EBF1: variants seen among roughly 807,000 people sequenced by gnomAD.
The protein encoded by EBF1 is transcription factor COE1.
EBF1 carries 10 observed loss-of-function variants against 68.4 expected under a neutral mutation model. The observed-to-expected ratio is 0.15, with a 90% CI of 0.09 to 0.25. The LOEUF is 0.25. EBF1 is among the 10% of genes least tolerant of loss of function. The probability of loss-of-function intolerance (pLI) is 1.00; values close to 1 mark genes in which losing one functional copy is unlikely to be tolerated. For missense variants in EBF1, 509 were observed against 794.4 expected (o/e 0.64, Z 4.32); for synonymous variants, 298 against 299.8 (o/e 0.99, Z 0.06).
chr5:158,882,785 G>A lies in EBF1; in HGVS notation c.555-42675C>T, dbSNP rs1054711719. Among the ~76,000 whole-genome samples the A allele has an allele frequency of 2.6e-5, 4 of 152,306 alleles. No individual in the cohort carries two copies. The Middle Eastern group carries it at 0.01, about 389-fold the overall frequency. ...TCGATAGCACAGGGATATTCATGGAGCAATACATGTTGCTGTGTTACACAC... is the reference window on the plus strand; with the variant it reads ...TCGATAGCACAGGGATATTCATGGAACAATACATGTTGCTGTGTTACACAC... On this transcript the variant is annotated intron_variant, in intron 6 of 15. Transcript: ENST00000313708.
At chr5:159,012,092 A>T (rs1484843874) in intron 6 of EBF1, among the ~76,000 whole-genome samples, 2 of 152,024 alleles carry the variant, frequency 1.3e-5, no homozygotes, top group Non-Finnish European at 2.9e-5. Context: ...TTCAAGACCA[A>T]CCTGGCCAAC....
intron 7 of EBF1, among the ~76,000 whole-genome samples, chr5:158,831,032 CGGTG>C (rs1787437923): frequency 6.6e-6 from 1 of 152,150 alleles, no homozygotes; most frequent in South Asian, 2.1e-4. Context: ...GTCTCCTGAA[CGGTG>C]ACATATGATA....
chr5:158,844,035 G>A (rs1001882171), intron 6 of EBF1, among the ~76,000 whole-genome samples: 11 of 152,116 alleles, frequency 7.2e-5, no homozygotes, highest in African/African-American at 2.4e-4. Context: ...TTGATAAAGT[G>A]TTGTCAGGAG....
At chr5:159,008,773 G>A (rs11960870) in intron 6 of EBF1, among the ~76,000 whole-genome samples, 1,940 of 152,216 alleles carry the variant, frequency 0.013, 50 homozygotes, top group African/African-American at 0.043. Flanking sequence ...CTGACCTGAC[G>A]TGATTCGCCC....
At chr5:159,020,860 T>C (rs1029142020) in intron 6 of EBF1, among the ~76,000 whole-genome samples, 7 of 152,200 alleles carry the variant, frequency 4.6e-5, no homozygotes, top group Admixed American at 6.5e-5. Context: ...AACAATTAAT[T>C]AGCTACAGTT....
intron 6 of EBF1, among the ~76,000 whole-genome samples, chr5:158,990,102 G>A (rs1482928168): frequency 6.6e-6 from 1 of 152,216 alleles, no homozygotes; most frequent in African/African-American, 2.4e-5. Flanking sequence ...TCCTGCGGCA[G>A]GGTGAAAATG....
Position 158,873,456 on chromosome 5 carries a change from TA to T in EBF1, c.555-33347del, listed in dbSNP as rs972985515. ...GCACCTTCAGAGTTTTTGCCATTTTTACCTATAATAATATTCACTTAATATT... is the reference window on the plus strand; with the variant it reads ...GCACCTTCAGAGTTTTTGCCATTTTTCCTATAATAATATTCACTTAATATT... On this transcript the variant is annotated intron_variant, in intron 6 of 15. Coordinates refer to ENST00000313708, the MANE Select transcript of EBF1 (RefSeq NM_024007.5). 1.1e-4 allele frequency among the ~76,000 whole-genome samples: 17 copies of T among 152,318 alleles called. No individual in the cohort carries two copies. The East Asian group carries it at 2.5e-3, about 22-fold the overall frequency.
chr5:158,705,734 A>G (rs896150146), intron 15 of EBF1, among the ~76,000 whole-genome samples: 11 of 152,122 alleles, frequency 7.2e-5, no homozygotes, highest in African/African-American at 2.7e-4. Context: ...CCTGTTTCCA[A>G]CCACTTCCTG....
rs1561662634 is a variant in EBF1 at position 158,698,655 on chromosome 5, C to CAA, written c.*455_*456insTT. 1.1e-4 allele frequency: 15 copies of CAA among 131,216 alleles called. No individual in the cohort carries two copies. The East Asian group carries it at 1.8e-3, about 15-fold the overall frequency. The allele number at this position is 131,216 out of a possible 1,614,324, so 8.1% of individuals were successfully genotyped here. The stretch of plus-strand genomic sequence containing the variant: ...TCCCATACAAGCTTTTTTTTTTTTC[C>CAA]TTTTTTTCTTTTTTTTTTTTTTTAC... On this transcript the variant is annotated 3_prime_UTR_variant, in exon 16 of 16. Transcript: ENST00000313708.
intron 7 of EBF1, among the ~76,000 whole-genome samples, chr5:158,827,517 T>C (rs1438100321): frequency 6.6e-6 from 1 of 152,214 alleles, no homozygotes; most frequent in Non-Finnish European, 1.5e-5. Flanking sequence ...CAGTTCAGTC[T>C]AGTTTTCCCA....
intron 8 of EBF1, among the ~76,000 whole-genome samples, chr5:158,819,708 C>A (rs1176977781): frequency 6.6e-6 from 1 of 152,290 alleles, no homozygotes; most frequent in Admixed American, 6.5e-5. Context: ...ACTGAGAGAG[C>A]AGTTACATTT....
Position 159,099,510 on chromosome 5 carries a change from C to T in EBF1, c.-32G>A. The T allele has an allele frequency of 7.2e-7, 1 of 1,382,960 alleles. No individual in the cohort carries two copies. Among genetic ancestry groups the T allele is most frequent in the African/African-American group, 1.7e-5 (1 of 59,566 alleles). The allele number at this position is 1,382,960 out of a possible 1,614,324, so 85.7% of individuals were successfully genotyped here. ...AACCTTTTCTTGTGGAAAATCTCCT[C>T]CCCCTTGAAAAAAATTAAAAAAAAA... On this transcript the variant is annotated 5_prime_UTR_variant, in exon 1 of 16. Coordinates refer to ENST00000313708, the MANE Select transcript of EBF1 (RefSeq NM_024007.5).
intron 6 of EBF1, among the ~76,000 whole-genome samples, chr5:158,982,267 A>G (rs1286143242): frequency 2.0e-5 from 3 of 152,246 alleles, no homozygotes; most frequent in East Asian, 3.8e-4. Flanking sequence ...TTAAATAAAC[A>G]TTAGCTGCTA....
intron 6 of EBF1, among the ~76,000 whole-genome samples, chr5:158,890,824 C>T (rs757208095): frequency 2.4e-4 from 36 of 152,152 alleles, no homozygotes; most frequent in African/African-American, 5.3e-4. Context: ...TAAAATAAAA[C>T]TCAATCAGCT....
chr5:158,737,548 T>A (rs1424766147), intron 10 of EBF1, among the ~76,000 whole-genome samples: 1 of 152,022 alleles, frequency 6.6e-6, no homozygotes, highest in Non-Finnish European at 1.5e-5. Flanking sequence ...CCTCCCAAAG[T>A]GCTGGGATTA....
In EBF1 at chr5:158,959,091, G is replaced by A. The variant is rs1034500880; in HGVS notation, c.554+114305C>T. 3.3e-5 allele frequency among the ~76,000 whole-genome samples: 5 copies of A among 151,994 alleles called. 1 individual carries two copies. The highest frequency in any genetic ancestry group is 3.3e-4 in the Admixed American group (5 of 15,252). On this transcript the variant is annotated intron_variant, in intron 6 of 15. Transcript: ENST00000313708. ...TTATTTAAAGGACTTCAGTGAATTT[G>A]CATTTTCCAAAGCTTGGAAAATAAC... is the stretch of plus-strand genomic sequence containing the variant.
chr5:158,702,864 A>G (rs919860974), intron 15 of EBF1, among the ~76,000 whole-genome samples: 14 of 151,774 alleles, frequency 9.2e-5, no homozygotes, highest in Admixed American at 9.2e-4. Flanking sequence ...TGACGATTCC[A>G]TAGGATTTGG....
chr5:159,074,186 T>A (rs1778319024), intron 5 of EBF1, among the ~76,000 whole-genome samples: 1 of 152,174 alleles, frequency 6.6e-6, no homozygotes, highest in Admixed American at 6.5e-5. Context: ...GAGAGGACGC[T>A]CTTTATGTTA....
At chr5:158,823,536 A>G (rs997063831) in intron 7 of EBF1, among the ~76,000 whole-genome samples, 5 of 152,240 alleles carry the variant, frequency 3.3e-5, no homozygotes, top group African/African-American at 1.2e-4. Context: ...AAAATTGCAC[A>G]GTTTATAGTT....
Sources: gnomAD v4.1 joint callset for allele counts (sites outside exome capture counted in the v4.1 genomes callset) on GRCh38, gnomAD v4.1.1 for gene constraint, MANE v1.5 for transcripts, NCBI Gene and HGNC (gene_info 2026-07-23, HGNC 2026-07-21) for gene names.